Variants in SDK1 observed in about 807,000 individuals in gnomAD.
SDK1 encodes sidekick cell adhesion molecule 1.
Under a neutral mutation model 245.5 loss-of-function variants are expected in SDK1, and 157 were observed. The observed-to-expected ratio is 0.64, with a 90% CI of 0.56 to 0.73. SDK1 has a LOEUF of 0.73. SDK1 is among the 30% of genes least tolerant of loss of function. The pLI, the probability that SDK1 is intolerant of heterozygous loss-of-function variation, is 0.00. For missense variants in SDK1, 3,583 were observed against 3,002.3 expected, an observed-to-expected ratio of 1.19 and a Z score of -4.52; for synonymous variants, 1,647 against 1,278.5, an observed-to-expected ratio of 1.29 and a Z score of -6.15.
chr7:3,778,284 A>G (rs1583404345), intron 4 of SDK1, among the ~76,000 whole-genome samples: 1 of 151,854 alleles, frequency 6.6e-6, no homozygotes, highest in Non-Finnish European at 1.5e-5. Flanking sequence ...GTAGTTTCCT[A>G]AAGAAAATAT....
rs184431421 is a variant in SDK1, at chr7:3,387,704, A to G, written c.298+85820A>G. ...TGTAGTATCACTGAACTGTACATTT[A>G]ATGTTTAAGGTGGTAATCTTTTGTT... On this transcript the variant is annotated intron_variant, in intron 1 of 44. Transcript: ENST00000404826. 4.1e-3 allele frequency among the ~76,000 whole-genome samples: 632 copies of G among 152,336 alleles called. 8 individuals carry two copies. The highest frequency in any genetic ancestry group is 0.018 in the South Asian group (87 of 4,824).
rs911188524 is a variant in SDK1 at position 4,240,833 on chromosome 7, C to T, written c.6131-960C>T. On this transcript the variant is annotated intron_variant, in intron 42 of 44. Coordinates refer to ENST00000404826, the MANE Select transcript of SDK1 (RefSeq NM_152744.4). ...GATCTGCAGGAAGGGGAGAGAAACC[C>T]GGGAAATACTGGGAGAAGGAGCTTC... is the stretch of plus-strand genomic sequence containing the variant. Among the ~76,000 whole-genome samples the T allele has an allele frequency of 2.6e-5, 4 of 152,020 alleles. No homozygotes were observed. The East Asian group carries it at 5.8e-4, about 22-fold the overall frequency.
At chr7:3,823,390 G>A (rs1779694488) in intron 5 of SDK1, among the ~76,000 whole-genome samples, 1 of 152,170 alleles carries the variant, frequency 6.6e-6, no homozygotes, top group African/African-American at 2.4e-5. Flanking sequence ...CAAGGAAGTT[G>A]GCCTTCCTCT....
At chr7:3,639,986 A>C (rs1170971304) in intron 3 of SDK1, among the ~76,000 whole-genome samples, 1 of 152,078 alleles carries the variant, frequency 6.6e-6, no homozygotes, top group Non-Finnish European at 1.5e-5. Flanking sequence ...AGCTAGGACC[A>C]CAGGTGTGTG....
intron 44 of SDK1, among the ~76,000 whole-genome samples, chr7:4,248,153 T>C (rs959998947): frequency 2.0e-5 from 3 of 152,134 alleles, no homozygotes; most frequent in Non-Finnish European, 4.4e-5. Flanking sequence ...CACGTATGCA[T>C]GCACACATGA....
At chr7:3,303,238 C>A (rs1252549501) in intron 1 of SDK1, among the ~76,000 whole-genome samples, 1 of 152,144 alleles carries the variant, frequency 6.6e-6, no homozygotes, top group Non-Finnish European at 1.5e-5. Flanking sequence ...TCATTTTGTA[C>A]AGTGGGATCT....
chr7:4,037,912 A>G (rs773761997), intron 17 of SDK1, among the ~76,000 whole-genome samples: 4 of 152,096 alleles, frequency 2.6e-5, no homozygotes, highest in Middle Eastern at 3.2e-3. Context: ...TTTTTTCTCT[A>G]TTATGTATTC....
chr7:4,265,095 A>G (rs10270413), intron 44 of SDK1, 29 bp from the exon 45 acceptor site: 1,091,883 of 1,599,704 alleles, frequency 0.68, 374,313 homozygotes, highest in East Asian at 0.86. Context: ...CCTGCCCTGC[A>G]CTCACACCTT....
intron 1 of SDK1, among the ~76,000 whole-genome samples, chr7:3,307,315 T>C (rs1379021761): frequency 1.3e-5 from 2 of 152,118 alleles, no homozygotes; most frequent in African/African-American, 2.4e-5. Context: ...ACAGCAAATA[T>C]GGCACCTCCT....
At chr7:3,374,316 C>T (rs1213544184) in intron 1 of SDK1, among the ~76,000 whole-genome samples, 1 of 152,110 alleles carries the variant, frequency 6.6e-6, no homozygotes, top group South Asian at 2.1e-4. Context: ...TGACTTCTGC[C>T]CCCAAGCTGT....
chr7:4,217,747 A>T (rs960119058), intron 38 of SDK1, among the ~76,000 whole-genome samples: 2 of 152,108 alleles, frequency 1.3e-5, no homozygotes, highest in African/African-American at 4.8e-5. Flanking sequence ...GGTTTATGGG[A>T]TTGTACCCTG....
intron 4 of SDK1, among the ~76,000 whole-genome samples, chr7:3,769,180 G>A (rs542374509): frequency 6.6e-6 from 1 of 152,280 alleles, no homozygotes; most frequent in South Asian, 2.1e-4. Flanking sequence ...AATGGTGATT[G>A]TCTTTGTCCA....
At chr7:3,947,183 CTTT>C (rs1354303976) in intron 5 of SDK1, among the ~76,000 whole-genome samples, 1 of 152,096 alleles carries the variant, frequency 6.6e-6, no homozygotes, top group Non-Finnish European at 1.5e-5. Flanking sequence ...ACACACGCTT[CTTT>C]ATTTCTTGTA....
intron 1 of SDK1, among the ~76,000 whole-genome samples, chr7:3,442,028 G>T (rs1780210185): frequency 6.6e-6 from 1 of 152,174 alleles, no homozygotes; most frequent in African/African-American, 2.4e-5. Flanking sequence ...ACAGATGCCA[G>T]TTGACCGTTA....
rs190390530 is a variant in SDK1, at chr7:3,882,290, G to A, written c.847+60707G>A. 2.3e-3 allele frequency among the ~76,000 whole-genome samples: 349 copies of A among 152,276 alleles called. 6 individuals are homozygous for A. The South Asian group carries it at 0.029, about 13-fold the overall frequency. On this transcript the variant is annotated intron_variant, in intron 5 of 44. Coordinates refer to ENST00000404826, the MANE Select transcript of SDK1 (RefSeq NM_152744.4). The stretch of plus-strand genomic sequence containing the variant: ...CACAGCCCAACCATATCACCAGGTG[G>A]GGGGTGGCTGTAGAGGCCCACTTGA...
At chr7:3,456,478 G>T (rs1279418768) in intron 1 of SDK1, among the ~76,000 whole-genome samples, 2 of 152,014 alleles carry the variant, frequency 1.3e-5, no homozygotes, top group African/African-American at 4.8e-5. Flanking sequence ...TTTATGCTTT[G>T]TTATCTGCAT....
At chr7:3,463,985 A>G (rs781355964) in intron 1 of SDK1, among the ~76,000 whole-genome samples, 8 of 152,206 alleles carry the variant, frequency 5.3e-5, no homozygotes, top group Non-Finnish European at 1.0e-4. Context: ...GACCAGGCAG[A>G]TGTCAAATGT....
At chr7:3,845,448 C>G (rs1027378980) in intron 5 of SDK1, among the ~76,000 whole-genome samples, 2 of 146,830 alleles carry the variant, frequency 1.4e-5, no homozygotes, top group Non-Finnish European at 3.0e-5. Context: ...CGAGATCGCG[C>G]CACTGCACTC....
Position 4,113,314 on chromosome 7 carries a change from G to A in SDK1, c.3460G>A (p.Val1154Ile). The change falls in exon 24 of 45, where the codon GTT becomes ATT. Residue 1154 changes from valine (V) to isoleucine (I), a missense_variant. Coordinates refer to ENST00000404826, the MANE Select transcript of SDK1 (RefSeq NM_152744.4). ...ATTTCGAATGAAGCAAGTGAACATT[G>A]TTGGGCCGAGCCCCTACAGTCCGTC... Reference protein sequence around the residue: ...YRFRMKQVNIVGPSPYSPSSR... With the variant: ...YRFRMKQVNIIGPSPYSPSSR... The A allele has an allele frequency of 1.9e-6, 3 of 1,613,886 alleles. No individual in the cohort carries two copies. The highest frequency in any genetic ancestry group is 2.5e-6 in the Non-Finnish European group (3 of 1,179,986).
Sources: allele counts gnomAD v4.1 joint callset (sites outside exome capture counted in the v4.1 genomes callset), GRCh38; gene constraint gnomAD v4.1.1; transcripts MANE v1.5; gene names NCBI Gene and HGNC (gene_info 2026-07-23, HGNC 2026-07-21).